Variants in HS3ST3A1 observed in about 807,000 individuals in gnomAD.
HS3ST3A1 encodes heparan sulfate glucosamine 3-O-sulfotransferase 3A1.
In HS3ST3A1, 19 loss-of-function variants were observed where a neutral mutation model predicts 25.7. The observed-to-expected ratio is 0.74, with a 90% CI of 0.52 to 1.08. HS3ST3A1 has a LOEUF of 1.08. Ranked by LOEUF, HS3ST3A1 falls within the 50% of genes least tolerant of loss-of-function variation. HS3ST3A1 has a pLI of 0.00. For synonymous variants in HS3ST3A1, 226 were observed against 278.6 expected, an observed-to-expected ratio of 0.81 and a Z score of 1.88; for missense variants, 459 against 594.3, an observed-to-expected ratio of 0.77 and a Z score of 2.37.
At chr17:13,556,092 A>C (rs1378980500) in intron 1 of HS3ST3A1, 1 of 152,258 alleles carries the variant, frequency 6.6e-6, no homozygotes, top group Non-Finnish European at 1.5e-5. Flanking sequence ...GAATCAAGTT[A>C]AAGGATGACA....
intron 1 of HS3ST3A1, among the ~76,000 whole-genome samples, chr17:13,572,193 G>A (rs79274605): frequency 0.014 from 2,146 of 152,244 alleles, 85 homozygotes; most frequent in East Asian, 0.12. Context: ...TCTATGAAAT[G>A]TTTAGGGATA....
At chr17:13,555,835 G>A (rs573607211) in intron 1 of HS3ST3A1, 1 of 152,308 alleles carries the variant, frequency 6.6e-6, no homozygotes, top group African/African-American at 2.4e-5. Flanking sequence ...AAATGTGTCT[G>A]AGAGTATATT....
chr17:13,496,067 A>C lies in HS3ST3A1; in HGVS notation c.*130T>G. 8.5e-7 allele frequency: 1 copy of C among 1,171,252 alleles called. No individual in the cohort carries two copies. The highest frequency in any genetic ancestry group is 1.2e-6 in the Non-Finnish European group (1 of 863,306). The allele number at this position is 1,171,252 out of a possible 1,614,324, so 72.6% of individuals were successfully genotyped here. ...ATTAAGATGGGGCGGGAGTGAGAAC[A>C]ATCTCTTAACATTCATTGAAAAAAA... On this transcript the variant is annotated 3_prime_UTR_variant, in exon 2 of 2. Coordinates refer to ENST00000284110, the MANE Select transcript of HS3ST3A1 (RefSeq NM_006042.3).
intron 1 of HS3ST3A1, among the ~76,000 whole-genome samples, chr17:13,505,654 A>G (rs1373229994): frequency 6.6e-6 from 1 of 152,080 alleles, no homozygotes. Flanking sequence ...TTCAAAAAAA[A>G]AAGGCGGAAA....
intron 1 of HS3ST3A1, among the ~76,000 whole-genome samples, chr17:13,585,610 C>G (rs2142386904): frequency 6.6e-6 from 1 of 151,830 alleles, no homozygotes; most frequent in South Asian, 2.1e-4. Flanking sequence ...GAAATTCTCC[C>G]TTTGGGTCTA....
Position 13,496,229 on chromosome 17 carries a change from T to A in HS3ST3A1, c.1189A>T (p.Met397Leu). The change falls in exon 2 of 2, where the codon ATG becomes TTG. Residue 397 changes from methionine to leucine, a missense_variant. Met to Leu is a conservative substitution (Grantham distance 15). Transcript: ENST00000284110. ...YRPFNLKFYQ[M>L]TGHDFGWDG ...TCCCAGCCAAAGTCGTGCCCGGTCA[T>A]CTGGTAGAACTTGAGGTTGAAAGGC... The A allele has an allele frequency of 1.2e-6, 2 of 1,600,856 alleles. No homozygotes were observed. Among genetic ancestry groups the A allele is most frequent in the Non-Finnish European group, 1.7e-6 (2 of 1,174,222 alleles).
rs141831656 is a variant in HS3ST3A1 at position 13,496,567 on chromosome 17, C to T, written c.851G>A (p.Ser284Asn). ...RTAGLIDTSW[S>N]AIQIGIYAKH... ...GGCGTAGATGCCGATCTGGATGGCG[C>T]TCCACGACGTGTCGATGAGGCCCGC... Residue 284 changes from serine to asparagine, a missense_variant, in exon 2 of 2, where the codon AGC becomes AAC. Coordinates refer to ENST00000284110, the MANE Select transcript of HS3ST3A1 (RefSeq NM_006042.3). 0.023 allele frequency: 35,711 copies of T among 1,582,998 alleles called. 79 individuals carry two copies. The highest frequency in any genetic ancestry group is 0.027 in the Non-Finnish European group (30,996 of 1,160,730).
intron 1 of HS3ST3A1, among the ~76,000 whole-genome samples, chr17:13,549,418 C>T (rs964471827): frequency 6.6e-6 from 1 of 152,204 alleles, no homozygotes. Flanking sequence ...GGAATAAATT[C>T]GGGACACAAT....
At position 13,601,298 on chromosome 17, in the gene HS3ST3A1, G is replaced by A. The variant is rs1473911541; in HGVS notation, c.-169C>T. 1.9e-5 allele frequency: 10 copies of A among 532,126 alleles called. No individual in the cohort carries two copies. Among genetic ancestry groups the A allele is most frequent in the Non-Finnish European group, 1.6e-5 (5 of 315,384 alleles). 33.0% of individuals were successfully genotyped at this position (532,126 alleles called of 1,614,324 possible). A position where few individuals can be genotyped will look rare whatever the true frequency, so the allele number is the denominator to read the frequency against. ...GAGGCAGCGGCCGGGGCTCCGCGGGGAAACGGAATCCCGGGGGCCCCGCGC... is the reference window on the plus strand; with the variant it reads ...GAGGCAGCGGCCGGGGCTCCGCGGGAAAACGGAATCCCGGGGGCCCCGCGC... On this transcript the variant is annotated 5_prime_UTR_variant, in exon 1 of 2. Coordinates refer to ENST00000284110, the MANE Select transcript of HS3ST3A1 (RefSeq NM_006042.3).
chr17:13,498,380 A>G (rs1191001281), intron 1 of HS3ST3A1, among the ~76,000 whole-genome samples: 1 of 152,170 alleles, frequency 6.6e-6, no homozygotes, highest in Non-Finnish European at 1.5e-5. Flanking sequence ...CTGTCTTTCA[A>G]TCCTACTCTT....
chr17:13,600,400 C>CA (rs1217507901), intron 1 of HS3ST3A1, 131 bp downstream of exon 1: 14 of 1,394,910 alleles, frequency 1.0e-5, no homozygotes, highest in Non-Finnish European at 1.3e-5. Flanking sequence ...AAGAAAGACC[C>CA]TTGACGACCC....
At chr17:13,527,148 G>C (rs756954235) in intron 1 of HS3ST3A1, among the ~76,000 whole-genome samples, 1 of 152,274 alleles carries the variant, frequency 6.6e-6, no homozygotes, top group South Asian at 2.1e-4. Context: ...TCCCAGGACT[G>C]AACCCAGACA....
At position 13,600,933 on chromosome 17, in the gene HS3ST3A1, G is replaced by C. The variant is rs1328740519; in HGVS notation, c.197C>G (p.Pro66Arg). 6.5e-7 allele frequency: 1 copy of C among 1,530,964 alleles called. No individual in the cohort carries two copies. Among genetic ancestry groups the C allele is most frequent in the African/African-American group, 1.4e-5 (1 of 70,100 alleles). 94.8% of individuals were successfully genotyped at this position (1,530,964 alleles called of 1,614,324 possible). A position where few individuals can be genotyped will look rare whatever the true frequency, so the allele number is the denominator to read the frequency against. Residue 66 changes from proline to arginine, a missense_variant, in exon 1 of 2, where the codon CCT (proline) becomes CGT (arginine). By Grantham distance (103) the Pro-to-Arg change is moderately radical (BLOSUM62 -2). Coordinates refer to ENST00000284110, the MANE Select transcript of HS3ST3A1 (RefSeq NM_006042.3). The stretch of plus-strand genomic sequence containing the variant: ...GCCTCCGGCCAGGACGCCGCCACCA[G>C]GGGCCCCCGCCTCCTCGCCGCCGCC... ...LSGGGEEAGA[P>R]GGGVLAGGPR... is the part of the protein sequence containing the mutation.
intron 1 of HS3ST3A1, among the ~76,000 whole-genome samples, chr17:13,572,505 T>A (rs1907843172): frequency 6.6e-6 from 1 of 152,106 alleles, no homozygotes; most frequent in African/African-American, 2.4e-5. Context: ...AAAAAGGGCA[T>A]CAAGGGAGGC....
intron 1 of HS3ST3A1, among the ~76,000 whole-genome samples, chr17:13,535,407 C>T (rs1390537570): frequency 6.6e-6 from 1 of 152,162 alleles, no homozygotes; most frequent in Non-Finnish European, 1.5e-5. Flanking sequence ...AAAACCAAGT[C>T]TCCAAATACA....
chr17:13,517,966 T>C (rs1232601469), intron 1 of HS3ST3A1, among the ~76,000 whole-genome samples: 1 of 151,978 alleles, frequency 6.6e-6, no homozygotes, highest in African/African-American at 2.4e-5. Context: ...TCTAATAGAG[T>C]TTTATTATAG....
chr17:13,569,787 G>A (rs1047595256), intron 1 of HS3ST3A1, among the ~76,000 whole-genome samples: 9 of 152,222 alleles, frequency 5.9e-5, no homozygotes, highest in African/African-American at 2.2e-4. Flanking sequence ...TAACTGAAAA[G>A]CATGTCTGAA....
intron 1 of HS3ST3A1, among the ~76,000 whole-genome samples, chr17:13,526,104 C>T (rs1174488937): frequency 6.6e-6 from 1 of 151,898 alleles, no homozygotes; most frequent in Non-Finnish European, 1.5e-5. Flanking sequence ...CCCTTGGCGT[C>T]TCCACAGGGC....
At chr17:13,517,063 G>T (rs1311966443) in intron 1 of HS3ST3A1, among the ~76,000 whole-genome samples, 1 of 152,210 alleles carries the variant, frequency 6.6e-6, no homozygotes. Context: ...ATGTAAAAGT[G>T]TGGAAATGAG....
Sources: gnomAD v4.1 joint callset for allele counts (sites outside exome capture counted in the v4.1 genomes callset) on GRCh38, gnomAD v4.1.1 for gene constraint, MANE v1.5 for transcripts, NCBI Gene and HGNC (gene_info 2026-07-23, HGNC 2026-07-21) for gene names.